The following EDEM3 variants were observed in gnomAD, a reference collection of about 807,000 sequenced individuals.
EDEM3 encodes ER degradation-enhancing alpha-mannosidase-like protein 3.
EDEM3 carries 60 observed loss-of-function variants against 110.2 expected under a neutral mutation model. The observed-to-expected ratio is 0.54, with a 90% CI of 0.44 to 0.67. The LOEUF is 0.67. Ranked by LOEUF, EDEM3 falls within the 30% of genes least tolerant of loss-of-function variation. EDEM3 has a pLI of 0.00. For missense variants in EDEM3, 996 were observed against 1,121.0 expected (o/e 0.89, Z 1.59); for synonymous variants, 352 against 382.9 (o/e 0.92, Z 0.94).
At chr1:184,737,321 CA>C in intron 3 of EDEM3, among the ~76,000 whole-genome samples, 1 of 152,198 alleles carries the variant, frequency 6.6e-6, no homozygotes, top group African/African-American at 2.4e-5. Flanking sequence ...ATTAAAACAT[CA>C]ACAGTCCAAT....
intron 11 of EDEM3, 149 bp downstream of exon 11, chr1:184,719,013 T>C (rs538809848): frequency 4.6e-6 from 2 of 436,046 alleles, no homozygotes; most frequent in Admixed American, 8.1e-5. Context: ...AAAAATAAAC[T>C]ATTTAATAGG....
chr1:184,722,194 C>T (rs1650941186), intron 8 of EDEM3, among the ~76,000 whole-genome samples: 1 of 151,852 alleles, frequency 6.6e-6, no homozygotes, highest in Admixed American at 6.5e-5. Flanking sequence ...CGTCTTTTTA[C>T]CCATATTTAT....
chr1:184,741,231 C>G (rs1360907033), intron 2 of EDEM3, among the ~76,000 whole-genome samples: 1 of 152,006 alleles, frequency 6.6e-6, no homozygotes, highest in Non-Finnish European at 1.5e-5. Context: ...AACCCCATCT[C>G]TACTAAAAAT....
chr1:184,744,993 A>G (rs1208485410), intron 2 of EDEM3, among the ~76,000 whole-genome samples: 2 of 152,118 alleles, frequency 1.3e-5, no homozygotes, highest in Non-Finnish European at 2.9e-5. Flanking sequence ...TTTACTGCAA[A>G]TAACTATGAG....
chr1:184,691,703 ATGAATG>A lies in EDEM3; in HGVS notation c.*2354_*2359del, dbSNP rs1649072214. 6.6e-6 allele frequency: 1 copy of A among 152,168 alleles called. No individual in the cohort carries two copies. The highest frequency in any genetic ancestry group is 2.1e-4 in the South Asian group (1 of 4,832). 9.4% of individuals were successfully genotyped at this position (152,168 alleles called of 1,614,324 possible). Reference sequence around the variant, plus strand: ...TTGTGGCAGTATGTCAAGTAAGTAAATGAATGTAGAGTTGTAATTACAACGTTGGAG... The same window carrying A: ...TTGTGGCAGTATGTCAAGTAAGTAAATAGAGTTGTAATTACAACGTTGGAG... On this transcript the variant is annotated 3_prime_UTR_variant, in exon 20 of 20. Transcript: ENST00000318130.
chr1:184,714,226 A>C (rs1650419307), intron 13 of EDEM3, among the ~76,000 whole-genome samples: 3 of 152,184 alleles, frequency 2.0e-5, no homozygotes, highest in Non-Finnish European at 4.4e-5. Context: ...CTACAATATG[A>C]ATTGGGCAAA....
intron 1 of EDEM3, among the ~76,000 whole-genome samples, chr1:184,750,831 C>T (rs958941162): frequency 6.6e-6 from 1 of 152,016 alleles, no homozygotes; most frequent in Non-Finnish European, 1.5e-5. Flanking sequence ...TTTCTTTTAC[C>T]AAAGTTCCAA....
intron 1 of EDEM3, among the ~76,000 whole-genome samples, chr1:184,753,089 A>G (rs1652855626): frequency 2.0e-5 from 3 of 152,328 alleles, no homozygotes; most frequent in Middle Eastern, 6.8e-3. Context: ...AGAAACGAAT[A>G]CAAGACTCTT....
intron 1 of EDEM3, among the ~76,000 whole-genome samples, chr1:184,753,404 G>C (rs1264330069): frequency 1.4e-5 from 2 of 139,374 alleles, no homozygotes; most frequent in Non-Finnish European, 3.1e-5. Context: ...CTTTCAAAAT[G>C]CACTTTTTTT....
At chr1:184,712,315 A>G (rs1650293080) in intron 14 of EDEM3, 118 bp downstream of exon 14, 5 of 901,990 alleles carry the variant, frequency 5.5e-6, no homozygotes, top group Non-Finnish European at 8.2e-6. Context: ...GAAAATGTAT[A>G]TATTTATTCT....
At chr1:184,742,043 A>T (rs1411914835) in intron 2 of EDEM3, among the ~76,000 whole-genome samples, 1 of 152,106 alleles carries the variant, frequency 6.6e-6, no homozygotes, top group Non-Finnish European at 1.5e-5. Flanking sequence ...TCCATGTCCA[A>T]CTCTCTCCTA....
At chr1:184,710,181 A>C (rs1650149396) in intron 16 of EDEM3, among the ~76,000 whole-genome samples, 1 of 152,126 alleles carries the variant, frequency 6.6e-6, no homozygotes, top group African/African-American at 2.4e-5. Context: ...AAATTACCCA[A>C]CCTAGCTCTG....
At chr1:184,701,746 T>C (rs1649635994) in intron 19 of EDEM3, among the ~76,000 whole-genome samples, 1 of 152,148 alleles carries the variant, frequency 6.6e-6, no homozygotes, top group Non-Finnish European at 1.5e-5. Flanking sequence ...TTCTGTTCTG[T>C]TTCCATCTAT....
intron 2 of EDEM3, among the ~76,000 whole-genome samples, chr1:184,742,280 A>G (rs1206197051): frequency 1.3e-5 from 2 of 152,232 alleles, no homozygotes; most frequent in Non-Finnish European, 2.9e-5. Context: ...ATTCCTGGGT[A>G]GAGGATTCTA....
chr1:184,728,603 C>CTT (rs60576808), intron 6 of EDEM3, among the ~76,000 whole-genome samples: 1 of 144,130 alleles, frequency 6.9e-6, no homozygotes, highest in Non-Finnish European at 1.5e-5. Context: ...TATTAAACAA[C>CTT]TTTTTTTTTT....
chr1:184,711,017 A>T (rs1247513885), intron 15 of EDEM3, among the ~76,000 whole-genome samples: 2 of 152,216 alleles, frequency 1.3e-5, no homozygotes, highest in African/African-American at 2.4e-5. Context: ...AACAAGCAAG[A>T]ATAAGTACTC....
At chr1:184,728,707 T>C (rs1651331966) in intron 6 of EDEM3, among the ~76,000 whole-genome samples, 1 of 151,902 alleles carries the variant, frequency 6.6e-6, no homozygotes, top group South Asian at 2.1e-4. Context: ...CCTCCCGGGT[T>C]CAAGCAATTA....
chr1:184,754,456 G>T (rs868320967), intron 1 of EDEM3, 33 bp downstream of exon 1: 3 of 1,612,074 alleles, frequency 1.9e-6, no homozygotes, highest in African/African-American at 2.7e-5. Context: ...CAGCCTCACC[G>T]AGAAACCCAC....
At chr1:184,728,480 T>C (rs1057315485) in intron 6 of EDEM3, among the ~76,000 whole-genome samples, 1 of 152,242 alleles carries the variant, frequency 6.6e-6, no homozygotes, top group African/African-American at 2.4e-5. Flanking sequence ...TGTTTGTATA[T>C]TGAACTGTAC....
Sources: allele counts gnomAD v4.1 joint callset (sites outside exome capture counted in the v4.1 genomes callset), GRCh38; gene constraint gnomAD v4.1.1; transcripts MANE v1.5; gene names NCBI Gene and HGNC (gene_info 2026-07-23, HGNC 2026-07-21).